The following TENT4B variants were observed in gnomAD, a reference collection of about 807,000 sequenced individuals.
The protein encoded by TENT4B is terminal nucleotidyltransferase 4B.
TENT4B carries 10 observed loss-of-function variants against 75.0 expected under a neutral mutation model. The observed-to-expected ratio is 0.13, with a 90% confidence interval of 0.08 to 0.23. TENT4B has a LOEUF of 0.23. Ranked by LOEUF, TENT4B falls within the 10% of genes least tolerant of loss-of-function variation. The pLI is 1.00. For synonymous variants in TENT4B, 350 were observed against 357.7 expected (o/e 0.98, Z 0.24); for missense variants, 579 against 893.8 (o/e 0.65, Z 4.49).
chr16:50,153,112 A>T (rs1244081085), upstream of TENT4B: 51 of 1,151,696 alleles, frequency 4.4e-5, no homozygotes, highest in South Asian at 7.9e-5. Context: ...GGCCTCTGTG[A>T]CGCACGGCGA....
At position 50,233,253 on chromosome 16, in the gene TENT4B, A is replaced by C; in HGVS notation, c.*3925A>C. 1.0e-6 allele frequency: 1 copy of C among 985,426 alleles called. No individual in the cohort carries two copies. Among genetic ancestry groups the C allele is most frequent in the Non-Finnish European group, 1.2e-6 (1 of 829,898 alleles). The allele number at this position is 985,426 out of a possible 1,614,324, so 61.0% of individuals were successfully genotyped here. ...AAAGATTTATATATGAAATTCCTTA[A>C]AAGAGTTCATCTTGCCTTGGTTTCT... On this transcript the variant is annotated 3_prime_UTR_variant, in exon 12 of 12. Transcript: ENST00000561678.
chr16:50,186,211 C>G (rs2038523455), intron 1 of TENT4B, among the ~76,000 whole-genome samples: 1 of 152,086 alleles, frequency 6.6e-6, no homozygotes, highest in Admixed American at 6.6e-5. Flanking sequence ...GTTTATCACT[C>G]CTTCCCTGCA....
chr16:50,181,892 T>C (rs1425308110), intron 1 of TENT4B, among the ~76,000 whole-genome samples: 6 of 152,180 alleles, frequency 3.9e-5, no homozygotes, highest in African/African-American at 1.4e-4. Flanking sequence ...GGAAACATTT[T>C]ATTAAAAATG....
rs2032290360 is a variant in TENT4B at position 50,231,424 on chromosome 16, G to C, written c.*2096G>C. Reference sequence around the variant, plus strand: ...ATTTCAGACACTTAATACTTGCAGAGATCTATGTTACATTTACCACACTGA... The same window carrying C: ...ATTTCAGACACTTAATACTTGCAGACATCTATGTTACATTTACCACACTGA... On this transcript the variant is annotated 3_prime_UTR_variant, in exon 12 of 12. Coordinates refer to ENST00000561678, the MANE Select transcript of TENT4B (RefSeq NM_001365324.3). 1 of 984,670 alleles carries C rather than the reference G, an allele frequency of 1.0e-6. No homozygotes were observed. The highest frequency in any genetic ancestry group is 1.2e-6 in the Non-Finnish European group (1 of 829,040). 61.0% of individuals were successfully genotyped at this position (984,670 alleles called of 1,614,324 possible).
chr16:50,189,609 G>A (rs1413209552), intron 1 of TENT4B, among the ~76,000 whole-genome samples: 1 of 150,520 alleles, frequency 6.6e-6, no homozygotes, highest in African/African-American at 2.5e-5. Flanking sequence ...GGACTCCTCT[G>A]TATATAACAC....
chr16:50,223,296 T>G lies in TENT4B; in HGVS notation c.1290T>G (p.Gly430=). Residue 430 remains glycine, a synonymous_variant, in exon 7 of 12, where the codon GGT becomes GGG. Transcript: ENST00000561678. Reference sequence around the variant, plus strand: ...AGACTGGCATCCGGATAAAGGATGGTGGTTCATATGTGGCCAAAGATGAAG... The same window carrying G: ...AGACTGGCATCCGGATAAAGGATGGGGGTTCATATGTGGCCAAAGATGAAG... ...YLKTGIRIKD[G]GSYVAKDEVQ... is the part of the protein sequence containing the mutation. 1 of 1,613,878 alleles carries G rather than the reference T, an allele frequency of 6.2e-7. No homozygotes were observed. Among genetic ancestry groups the G allele is most frequent in the Non-Finnish European group, 8.5e-7 (1 of 1,179,822 alleles).
chr16:50,225,367 G>T, intron 10 of TENT4B, 82 bp downstream of exon 10: 1 of 1,246,206 alleles, frequency 8.0e-7, no homozygotes, highest in South Asian at 1.7e-5. Context: ...CGAAGGCTAA[G>T]GCTACTTCCT....
chr16:50,229,414 A>C lies in TENT4B; in HGVS notation c.*86A>C. The C allele has an allele frequency of 2.0e-6, 3 of 1,487,752 alleles. No homozygotes were observed. 92.2% of individuals were successfully genotyped at this position (1,487,752 alleles called of 1,614,324 possible). A position where few individuals can be genotyped will look rare whatever the true frequency, so the allele number is the denominator to read the frequency against. On this transcript the variant is annotated 3_prime_UTR_variant, in exon 12 of 12. Transcript: ENST00000561678. ...CAGGGACTCCTGGGAGATATTCAGGAGCCTCACACTGTTCAGACGTTGACT... is the reference window on the plus strand; with the variant it reads ...CAGGGACTCCTGGGAGATATTCAGGCGCCTCACACTGTTCAGACGTTGACT...
At chr16:50,206,126 T>C (rs1329979164) in intron 1 of TENT4B, among the ~76,000 whole-genome samples, 2 of 152,158 alleles carry the variant, frequency 1.3e-5, no homozygotes, top group East Asian at 3.8e-4. Flanking sequence ...AATCCTGTGG[T>C]GAGCATCCTT....
rs540173992 is a variant in TENT4B at position 50,188,721 on chromosome 16, C to T, written c.639-22602C>T. On this transcript the variant is annotated intron_variant, in intron 1 of 11. Coordinates refer to ENST00000561678, the MANE Select transcript of TENT4B (RefSeq NM_001365324.3). ...TTTTAAACAACTTGGGTACTGTGGC[C>T]TGTGCCTGTATTCCCAGCTACTAGG... 5.3e-5 allele frequency among the ~76,000 whole-genome samples: 8 copies of T among 152,254 alleles called. No homozygotes were observed. The South Asian group carries it at 1.7e-3, about 32-fold the overall frequency.
chr16:50,154,538 C>T (rs929577121), intron 1 of TENT4B, among the ~76,000 whole-genome samples: 1 of 151,746 alleles, frequency 6.6e-6, no homozygotes, highest in Non-Finnish European at 1.5e-5. Context: ...CCCAGGCCCC[C>T]CCCTTTATCC....
At chr16:50,214,386 T>C in intron 3 of TENT4B, 119 bp downstream of exon 3, 1 of 749,558 alleles carries the variant, frequency 1.3e-6, no homozygotes, top group Non-Finnish European at 2.1e-6. Context: ...CTGGGCATGG[T>C]GGCTCATGCC....
intron 1 of TENT4B, among the ~76,000 whole-genome samples, chr16:50,167,000 T>C (rs2038113878): frequency 6.6e-6 from 1 of 152,138 alleles, no homozygotes. Context: ...CATAGTTCAC[T>C]GCCATTTTGC....
At chr16:50,211,222 A>C in intron 1 of TENT4B, 101 bp from the exon 2 acceptor site, 61 of 1,128,746 alleles carry the variant, frequency 5.4e-5, no homozygotes, top group Non-Finnish European at 6.1e-5. Context: ...TAAGGTAGTC[A>C]TCAGCTGAAT....
chr16:50,168,130 A>C (rs1287191341), intron 1 of TENT4B, among the ~76,000 whole-genome samples: 2 of 150,116 alleles, frequency 1.3e-5, no homozygotes, highest in African/African-American at 4.9e-5. Context: ...AAAAGAATGC[A>C]GAAGGAAACA....
chr16:50,177,295 G>T (rs1359722543), intron 1 of TENT4B, among the ~76,000 whole-genome samples: 1 of 152,092 alleles, frequency 6.6e-6, no homozygotes, highest in Non-Finnish European at 1.5e-5. Context: ...GAGTCACTGT[G>T]CCTGGCCCGA....
chr16:50,192,262 G>A (rs1437712664), intron 1 of TENT4B, among the ~76,000 whole-genome samples: 3 of 151,430 alleles, frequency 2.0e-5, no homozygotes, highest in African/African-American at 7.3e-5. Flanking sequence ...ATTAATAAAT[G>A]TGATCTTTTT....
intron 1 of TENT4B, among the ~76,000 whole-genome samples, chr16:50,183,287 A>G (rs1319806665): frequency 1.3e-5 from 2 of 151,618 alleles, no homozygotes; most frequent in African/African-American, 4.8e-5. Context: ...CAGGTGATCC[A>G]CCCACCTGAG....
chr16:50,204,457 T>C (rs1043129133), intron 1 of TENT4B, among the ~76,000 whole-genome samples: 5 of 152,136 alleles, frequency 3.3e-5, no homozygotes, highest in African/African-American at 1.2e-4. Context: ...TTTAAGAGAA[T>C]GACAAGCAGT....
Sources: gnomAD v4.1 joint callset for allele counts (sites outside exome capture counted in the v4.1 genomes callset) on GRCh38, gnomAD v4.1.1 for gene constraint, MANE v1.5 for transcripts, NCBI Gene and HGNC (gene_info 2026-07-23, HGNC 2026-07-21) for gene names.